Variants in TAFA1 observed in about 807,000 individuals in gnomAD.
TAFA1 encodes chemokine-like protein TAFA-1.
In TAFA1, 4 loss-of-function variants were observed where a neutral mutation model predicts 18.5. The ratio of observed to expected loss-of-function variants is 0.22; its 90% CI spans 0.11 to 0.49. The LOEUF (loss-of-function observed/expected upper bound fraction) is 0.49, where lower values mean the gene tolerates loss of function less well. TAFA1 is among the 20% of genes least tolerant of loss of function. The probability of loss-of-function intolerance (pLI) is 0.98; values close to 1 mark genes in which losing one functional copy is unlikely to be tolerated. For synonymous variants in TAFA1, 56 were observed against 55.2 expected (o/e 1.01, Z -0.06); for missense variants, 147 against 169.0 (o/e 0.87, Z 0.72).
Position 68,471,877 on chromosome 3 carries a change from C to T in TAFA1, c.259+54457C>T, listed in dbSNP as rs184119579. ...TGTTAAGGACAAAAACTCTGGAGCACTATCTGAGTGTACCCCCATTGTATC... is the reference window on the plus strand; with the variant it reads ...TGTTAAGGACAAAAACTCTGGAGCATTATCTGAGTGTACCCCCATTGTATC... On this transcript the variant is annotated intron_variant, in intron 3 of 4. Transcript: ENST00000478136. 1.7e-3 allele frequency among the ~76,000 whole-genome samples: 266 copies of T among 152,314 alleles called. 1 individual carries two copies. Among genetic ancestry groups the T allele is most frequent in the Admixed American group, 0.017 (259 of 15,296 alleles).
intron 2 of TAFA1, among the ~76,000 whole-genome samples, chr3:68,034,145 A>T (rs1704996390): frequency 6.6e-6 from 1 of 152,182 alleles, no homozygotes; most frequent in South Asian, 2.1e-4. Context: ...ATTATAGATT[A>T]AGCTAAATAA....
intron 2 of TAFA1, among the ~76,000 whole-genome samples, chr3:68,076,706 A>C (rs1303992984): frequency 6.6e-6 from 1 of 152,254 alleles, no homozygotes; most frequent in Non-Finnish European, 1.5e-5. Context: ...CCAGTCTATC[A>C]TTGTTGGACA....
chr3:68,193,263 G>C (rs1218070013), intron 2 of TAFA1, among the ~76,000 whole-genome samples: 1 of 151,666 alleles, frequency 6.6e-6, no homozygotes, highest in African/African-American at 2.4e-5. Flanking sequence ...TTTATTTTAA[G>C]TACTTTTCTA....
intron 2 of TAFA1, among the ~76,000 whole-genome samples, chr3:68,306,524 T>A (rs575601326): frequency 3.1e-4 from 47 of 152,306 alleles, no homozygotes; most frequent in Middle Eastern, 6.8e-3. Context: ...GTGTGTATGT[T>A]TAAATTTACA....
chr3:68,143,525 A>G (rs1476628099), intron 2 of TAFA1, among the ~76,000 whole-genome samples: 8 of 152,156 alleles, frequency 5.3e-5, no homozygotes, highest in Admixed American at 5.2e-4. Context: ...GGGCCAGATA[A>G]TTCCTTGTCG....
intron 3 of TAFA1, among the ~76,000 whole-genome samples, chr3:68,480,494 C>G (rs1487328916): frequency 1.3e-5 from 2 of 152,146 alleles, no homozygotes; most frequent in Non-Finnish European, 2.9e-5. Flanking sequence ...GTACGGTAAT[C>G]TCTGTTATAA....
chr3:68,509,313 T>C (rs2072811636), intron 3 of TAFA1, among the ~76,000 whole-genome samples: 1 of 152,088 alleles, frequency 6.6e-6, no homozygotes, highest in South Asian at 2.1e-4. Flanking sequence ...ATGTCCATCC[T>C]ACCCTGCGTC....
intron 3 of TAFA1, among the ~76,000 whole-genome samples, chr3:68,436,987 C>T (rs531801344): frequency 4.5e-4 from 69 of 152,130 alleles, no homozygotes; most frequent in South Asian, 3.7e-3. Context: ...TATAAAAGAG[C>T]AAATGTAACT....
At chr3:68,260,575 T>C (rs1389719780) in intron 2 of TAFA1, among the ~76,000 whole-genome samples, 1 of 152,062 alleles carries the variant, frequency 6.6e-6, no homozygotes, top group Non-Finnish European at 1.5e-5. Flanking sequence ...AACAGAGATA[T>C]AGACCAATGG....
chr3:68,322,904 C>T (rs2068716946), intron 2 of TAFA1, among the ~76,000 whole-genome samples: 1 of 152,106 alleles, frequency 6.6e-6, no homozygotes, highest in Non-Finnish European at 1.5e-5. Flanking sequence ...GATCACACCA[C>T]TGCACTCCAG....
chr3:68,118,948 A>T (rs941632371), intron 2 of TAFA1, among the ~76,000 whole-genome samples: 4 of 152,170 alleles, frequency 2.6e-5, no homozygotes, highest in Non-Finnish European at 4.4e-5. Context: ...AGGAATCACC[A>T]TATTGTTTTC....
In TAFA1 at chr3:68,370,417, T is replaced by TACACACAC. The variant is rs36170007; in HGVS notation, c.119-46855_119-46848dup. 5.2e-3 allele frequency among the ~76,000 whole-genome samples: 419 copies of TACACACAC among 80,242 alleles called. 10 individuals carry two copies. The highest frequency in any genetic ancestry group is 0.02 in the African/African-American group (398 of 20,122). The allele number at this position is 80,242 out of a possible 152,430, so 52.6% of individuals were successfully genotyped here. A position where few individuals can be genotyped will look rare whatever the true frequency, so the allele number is the denominator to read the frequency against. The stretch of plus-strand genomic sequence containing the variant: ...ACACATATATATACACATATATATG[T>TACACACAC]ACACACACACACACATATATATACA... On this transcript the variant is annotated intron_variant, in intron 2 of 4. Coordinates refer to ENST00000478136, the MANE Select transcript of TAFA1 (RefSeq NM_213609.4).
At chr3:68,005,161 C>T (rs1437868000) in intron 1 of TAFA1, among the ~76,000 whole-genome samples, 2 of 152,144 alleles carry the variant, frequency 1.3e-5, no homozygotes, top group Admixed American at 6.5e-5. Context: ...TCCCCAAATA[C>T]ATTCATTTTA....
At chr3:68,349,375 T>C (rs61648107) in intron 2 of TAFA1, among the ~76,000 whole-genome samples, 2,393 of 152,036 alleles carry the variant, frequency 0.016, 56 homozygotes, top group African/African-American at 0.053. Context: ...TATTCTCTTA[T>C]GAAAAGGTGT....
At chr3:68,186,597 G>A (rs1044300241) in intron 2 of TAFA1, among the ~76,000 whole-genome samples, 1 of 151,972 alleles carries the variant, frequency 6.6e-6, no homozygotes, top group Non-Finnish European at 1.5e-5. Context: ...TATATGAGAA[G>A]AATGTTTATC....
rs143930906 is a variant in TAFA1 at position 68,272,131 on chromosome 3, GA to G, written c.119-145144del. On this transcript the variant is annotated intron_variant, in intron 2 of 4. Coordinates refer to ENST00000478136, the MANE Select transcript of TAFA1 (RefSeq NM_213609.4). ...TGCCAAAGATAGAAATCACTTTACA[GA>G]AAAAGAGCCTTATTCCCACCAGGTG... 5.5e-3 allele frequency among the ~76,000 whole-genome samples: 838 copies of G among 152,256 alleles called. 5 individuals are homozygous for G. The highest frequency in any genetic ancestry group is 9.2e-3 in the Non-Finnish European group (624 of 68,010).
At chr3:68,324,107 G>A (rs1176551326) in intron 2 of TAFA1, among the ~76,000 whole-genome samples, 3 of 151,992 alleles carry the variant, frequency 2.0e-5, no homozygotes. Context: ...GGCAGTGCTG[G>A]GCCATGACAA....
At chr3:68,428,621 C>T (rs941393045) in intron 3 of TAFA1, among the ~76,000 whole-genome samples, 10 of 151,976 alleles carry the variant, frequency 6.6e-5, no homozygotes, top group African/African-American at 2.4e-4. Context: ...CTCACCCTCC[C>T]CATTTCACCT....
intron 2 of TAFA1, among the ~76,000 whole-genome samples, chr3:68,381,948 A>G (rs546430628): frequency 1.6e-4 from 25 of 152,324 alleles, no homozygotes; most frequent in Non-Finnish European, 3.5e-4. Context: ...ACGTCCCATC[A>G]ATACCTAATT....
Sources: gnomAD v4.1 joint callset for allele counts (sites outside exome capture counted in the v4.1 genomes callset) on GRCh38, gnomAD v4.1.1 for gene constraint, MANE v1.5 for transcripts, NCBI Gene and HGNC (gene_info 2026-07-23, HGNC 2026-07-21) for gene names.